The following LRP1B variants were observed in gnomAD, a reference collection of about 807,000 sequenced individuals.
The protein encoded by LRP1B is LDL receptor related protein 1B.
A neutral mutation model predicts 556.6 loss-of-function variants in LRP1B; 217 were observed. The ratio of observed to expected loss-of-function variants is 0.39; its 90% CI spans 0.35 to 0.44. LRP1B has a LOEUF of 0.44. LRP1B is among the 20% of genes least tolerant of loss of function. The probability of loss-of-function intolerance (pLI) is 1.00; values close to 1 mark genes in which losing one functional copy is unlikely to be tolerated. For missense variants in LRP1B, 5,053 were observed against 5,620.8 expected, an observed-to-expected ratio of 0.90 and a Z score of 3.23; for synonymous variants, 2,047 against 1,865.8, an observed-to-expected ratio of 1.10 and a Z score of -2.50.
intron 1 of LRP1B, among the ~76,000 whole-genome samples, chr2:142,082,823 G>A (rs1378303079): frequency 6.6e-6 from 1 of 151,938 alleles, no homozygotes; most frequent in Non-Finnish European, 1.5e-5. Context: ...AAATATTTAG[G>A]GTGTCTTATC....
intron 2 of LRP1B, among the ~76,000 whole-genome samples, chr2:141,516,898 C>T (rs1440513237): frequency 5.4e-5 from 8 of 149,424 alleles, no homozygotes; most frequent in Admixed American, 6.7e-5. Flanking sequence ...AGTTTCAGCA[C>T]GTTGGCCAGG....
chr2:140,415,549 C>A (rs933899431), intron 66 of LRP1B, among the ~76,000 whole-genome samples: 2 of 152,140 alleles, frequency 1.3e-5, no homozygotes, highest in African/African-American at 2.4e-5. Context: ...TATTTCTCAG[C>A]CAGCCAACAC....
intron 2 of LRP1B, among the ~76,000 whole-genome samples, chr2:141,556,790 G>C (rs936971150): frequency 5.3e-5 from 8 of 151,716 alleles, no homozygotes; most frequent in Non-Finnish European, 1.2e-4. Context: ...ATATTGAACA[G>C]GTGTCAGGAA....
At position 141,099,471 on chromosome 2, in the gene LRP1B, A is replaced by G. The variant is rs377558201; in HGVS notation, c.1014-37198T>C. Among the ~76,000 whole-genome samples the G allele has an allele frequency of 9.2e-5, 14 of 152,340 alleles. No homozygotes were observed. In the South Asian group the frequency reaches 2.9e-3, roughly 32 times the overall value. ...GAGACTAGATGGACGTCAATCTTTCAGTTCTCATAGGGCAATGAGGATAGA... is the reference window on the plus strand; with the variant it reads ...GAGACTAGATGGACGTCAATCTTTCGGTTCTCATAGGGCAATGAGGATAGA... On this transcript the variant is annotated intron_variant, in intron 7 of 90. Transcript: ENST00000389484.
intron 27 of LRP1B, among the ~76,000 whole-genome samples, chr2:140,856,276 A>T (rs1206253908): frequency 6.6e-6 from 1 of 152,222 alleles, no homozygotes; most frequent in South Asian, 2.1e-4. Context: ...ACCTTCCTTC[A>T]TGTCTCAGCT....
At chr2:140,406,650 T>G (rs1684751996) in intron 66 of LRP1B, among the ~76,000 whole-genome samples, 1 of 151,988 alleles carries the variant, frequency 6.6e-6, no homozygotes, top group Non-Finnish European at 1.5e-5. Context: ...GTGAAAAATC[T>G]CTACAAGGAA....
chr2:141,075,239 G>A (rs1699755948), intron 7 of LRP1B, among the ~76,000 whole-genome samples: 1 of 152,090 alleles, frequency 6.6e-6, no homozygotes, highest in Non-Finnish European at 1.5e-5. Context: ...AAAGAGAAGA[G>A]AGATTCAAAA....
At chr2:140,811,781 A>G (rs1012600744) in intron 32 of LRP1B, among the ~76,000 whole-genome samples, 2 of 152,144 alleles carry the variant, frequency 1.3e-5, no homozygotes, top group Non-Finnish European at 2.9e-5. Flanking sequence ...TATAGACACT[A>G]TGAAACAATT....
intron 66 of LRP1B, among the ~76,000 whole-genome samples, chr2:140,393,958 T>TC (rs1233097216): frequency 6.6e-6 from 1 of 152,126 alleles, no homozygotes; most frequent in Non-Finnish European, 1.5e-5. Context: ...TAAACACTCC[T>TC]CAACGTCTCT....
chr2:141,077,303 T>G (rs892254826), intron 7 of LRP1B, among the ~76,000 whole-genome samples: 1 of 152,086 alleles, frequency 6.6e-6, no homozygotes, highest in African/African-American at 2.4e-5. Context: ...TATGCAATAC[T>G]GGTATTTTGT....
intron 33 of LRP1B, among the ~76,000 whole-genome samples, chr2:140,771,896 C>G (rs1027000710): frequency 1.3e-5 from 2 of 152,172 alleles, no homozygotes; most frequent in African/African-American, 2.4e-5. Flanking sequence ...ATCAATAGTT[C>G]TCTGTGGAAA....
intron 20 of LRP1B, among the ~76,000 whole-genome samples, chr2:140,946,607 G>GAACAACAAC (rs377380113): frequency 1.3e-5 from 2 of 151,856 alleles, no homozygotes; most frequent in African/African-American, 4.8e-5. Flanking sequence ...TCTCAAACAA[G>GAACAACAAC]AACAACAACA....
intron 6 of LRP1B, among the ~76,000 whole-genome samples, chr2:141,208,550 C>T (rs992276166): frequency 3.9e-5 from 6 of 152,044 alleles, no homozygotes; most frequent in Non-Finnish European, 8.8e-5. Flanking sequence ...GGTTTAGCCA[C>T]AGATGCAGTA....
At chr2:141,301,549 A>G (rs370567833) in intron 3 of LRP1B, among the ~76,000 whole-genome samples, 2 of 152,182 alleles carry the variant, frequency 1.3e-5, no homozygotes, top group East Asian at 1.9e-4. Flanking sequence ...CTCCAAGTCT[A>G]TATAGCATCC....
In LRP1B at chr2:140,958,762, C is replaced by T. The variant is rs567350991; in HGVS notation, c.2888-6822G>A. On this transcript the variant is annotated intron_variant, in intron 18 of 90. Transcript: ENST00000389484. ...GGATCTCAAGAACACATGTATAAAA[C>T]CTGAATTAACCTGCAACAATTTTAA... 2.0e-5 allele frequency among the ~76,000 whole-genome samples: 3 copies of T among 151,650 alleles called. No homozygotes were observed. In the South Asian group the frequency reaches 6.2e-4, roughly 31 times the overall value.
At chr2:140,469,221 T>C (rs1418804869) in intron 60 of LRP1B, among the ~76,000 whole-genome samples, 1 of 152,152 alleles carries the variant, frequency 6.6e-6, no homozygotes, top group African/African-American at 2.4e-5. Flanking sequence ...GGGAAGTGAT[T>C]AAGCCATGAG....
At chr2:141,820,925 G>T (rs567357945) in intron 1 of LRP1B, among the ~76,000 whole-genome samples, 4 of 152,240 alleles carry the variant, frequency 2.6e-5, no homozygotes, top group Non-Finnish European at 4.4e-5. Flanking sequence ...GGACTTTGCA[G>T]ATGTGATTAA....
intron 85 of LRP1B, among the ~76,000 whole-genome samples, chr2:140,272,097 T>C (rs998408409): frequency 1.3e-5 from 2 of 152,002 alleles, no homozygotes; most frequent in African/African-American, 4.8e-5. Context: ...CTCTAAAGTT[T>C]GTGTTTGAAT....
At chr2:140,440,079 G>C (rs1241324185) in intron 66 of LRP1B, among the ~76,000 whole-genome samples, 1 of 151,994 alleles carries the variant, frequency 6.6e-6, no homozygotes, top group African/African-American at 2.4e-5. Flanking sequence ...AAACTACAAT[G>C]TTCGGACTTT....
Sources: gnomAD v4.1 joint callset for allele counts (sites outside exome capture counted in the v4.1 genomes callset) on GRCh38, gnomAD v4.1.1 for gene constraint, MANE v1.5 for transcripts, NCBI Gene and HGNC (gene_info 2026-07-23, HGNC 2026-07-21) for gene names.